STX8: variants seen among roughly 807,000 people sequenced by gnomAD.
STX8 encodes syntaxin-8.
A neutral mutation model predicts 37.5 loss-of-function variants in STX8; 23 were observed. That is an observed-to-expected ratio of 0.61 (90% confidence interval 0.44 to 0.87). The LOEUF is 0.87. Among genes scored for constraint, STX8 ranks in the 40% least tolerant of loss-of-function variants. The pLI is 0.00. For synonymous variants in STX8, 115 were observed against 99.1 expected (o/e 1.16, Z -0.95); for missense variants, 313 against 284.7 (o/e 1.10, Z -0.71).
intron 6 of STX8, among the ~76,000 whole-genome samples, chr17:9,379,301 G>A (rs1403214457): frequency 6.6e-6 from 1 of 150,738 alleles, no homozygotes; most frequent in African/African-American, 2.4e-5. Context: ...GACTACCTGG[G>A]CCCTTCTTGA....
chr17:9,273,563 T>A (rs1283561611), intron 7 of STX8: 1 of 152,294 alleles, frequency 6.6e-6, no homozygotes, highest in Non-Finnish European at 1.5e-5. Flanking sequence ...GCAGAATGAT[T>A]CAGCTCCTGC....
intron 7 of STX8, among the ~76,000 whole-genome samples, chr17:9,301,830 A>C (rs555996651): frequency 1.3e-5 from 2 of 151,982 alleles, no homozygotes; most frequent in African/African-American, 4.8e-5. Context: ...TTATTTTGCT[A>C]TTGTTTTAGG....
intron 7 of STX8, among the ~76,000 whole-genome samples, chr17:9,340,564 C>G (rs1445701284): frequency 1.3e-5 from 2 of 149,566 alleles, no homozygotes; most frequent in East Asian, 2.0e-4. Context: ...AAAATCTACT[C>G]TTATGAATCC....
At chr17:9,429,761 T>A in intron 6 of STX8, among the ~76,000 whole-genome samples, 1 of 50,990 alleles carries the variant, frequency 2.0e-5, no homozygotes, top group Non-Finnish European at 3.2e-5. Context: ...TTATATTTTA[T>A]ATATTATATA....
chr17:9,292,936 T>C (rs1385827856), intron 7 of STX8, among the ~76,000 whole-genome samples: 1 of 152,134 alleles, frequency 6.6e-6, no homozygotes, highest in African/African-American at 2.4e-5. Flanking sequence ...CAAGCAACTC[T>C]AGGAAGATTA....
intron 7 of STX8, among the ~76,000 whole-genome samples, chr17:9,274,895 C>T (rs1301760335): frequency 2.7e-5 from 4 of 150,892 alleles, no homozygotes; most frequent in Non-Finnish European, 5.9e-5. Flanking sequence ...GGACTACAGG[C>T]ATGCACCACC....
chr17:9,518,189 C>T lies in STX8; in HGVS notation c.324-13027G>A, dbSNP rs576885975. Reference sequence around the variant, plus strand: ...AACCTATGCTCACCAACTCCACTTCCTGACCCCCGTTCACTCCTCAACCCA... The same window carrying T: ...AACCTATGCTCACCAACTCCACTTCTTGACCCCCGTTCACTCCTCAACCCA... On this transcript the variant is annotated intron_variant, in intron 4 of 7. Coordinates refer to ENST00000306357, the MANE Select transcript of STX8 (RefSeq NM_004853.3). 2.6e-5 allele frequency among the ~76,000 whole-genome samples: 4 copies of T among 152,250 alleles called. No homozygotes were observed. In the East Asian group the frequency reaches 7.7e-4, roughly 29 times the overall value.
At chr17:9,379,701 GCTCACACCTATAATCCCA>G in intron 6 of STX8, among the ~76,000 whole-genome samples, 1 of 152,106 alleles carries the variant, frequency 6.6e-6, no homozygotes, top group African/African-American at 2.4e-5. Flanking sequence ...GGGCACGGTG[GCTCACACCTATAATCCCA>G]GCACTTTGGG....
intron 7 of STX8, among the ~76,000 whole-genome samples, chr17:9,351,176 C>CTTTTTT (rs71135970): frequency 7.3e-3 from 729 of 99,732 alleles, no homozygotes; most frequent in Non-Finnish European, 8.9e-3. Context: ...ATTTCCTTGT[C>CTTTTTT]TTTTTTTTTT....
At chr17:9,308,287 A>G (rs1909071354) in intron 7 of STX8, among the ~76,000 whole-genome samples, 1 of 152,174 alleles carries the variant, frequency 6.6e-6, no homozygotes, top group Non-Finnish European at 1.5e-5. Context: ...CTTTGGAATG[A>G]AGGTCTTATG....
chr17:9,397,475 A>G (rs2142313062), intron 6 of STX8, among the ~76,000 whole-genome samples: 1 of 152,336 alleles, frequency 6.6e-6, no homozygotes. Context: ...TGTTGGAATG[A>G]TAGTCTACAG....
At chr17:9,496,426 AT>A (rs1459721237) in intron 5 of STX8, among the ~76,000 whole-genome samples, 15 of 152,172 alleles carry the variant, frequency 9.9e-5, no homozygotes, top group Admixed American at 9.8e-4. Flanking sequence ...AACTGCCAAA[AT>A]CTGCCCTACT....
intron 6 of STX8, among the ~76,000 whole-genome samples, chr17:9,490,975 G>C (rs1455011673): frequency 6.6e-6 from 1 of 152,132 alleles, no homozygotes; most frequent in Non-Finnish European, 1.5e-5. Flanking sequence ...TTAGCACATA[G>C]TGGGGGCTTT....
chr17:9,491,581 T>G (rs1244590644), intron 6 of STX8, among the ~76,000 whole-genome samples: 1 of 152,098 alleles, frequency 6.6e-6, no homozygotes, highest in Admixed American at 6.6e-5. Flanking sequence ...GATGAATGGA[T>G]CATAAAACAC....
At chr17:9,518,915 C>A (rs546183342) in intron 4 of STX8, among the ~76,000 whole-genome samples, 1 of 151,758 alleles carries the variant, frequency 6.6e-6, no homozygotes, top group South Asian at 2.1e-4. Flanking sequence ...TAAAGACATT[C>A]ATTCTATGCC....
At chr17:9,265,844 C>G (rs1473053003) in intron 7 of STX8, among the ~76,000 whole-genome samples, 2 of 152,120 alleles carry the variant, frequency 1.3e-5, no homozygotes, top group East Asian at 3.9e-4. Context: ...TGTGTGAAGA[C>G]AGACAAAAAC....
rs78278064 is a variant in STX8 at position 9,428,046 on chromosome 17, C to T, written c.542-49393G>A. On this transcript the variant is annotated intron_variant, in intron 6 of 7. Transcript: ENST00000306357. ...AAGGGCTGTAGCACACAGAACTGCA[C>T]TCCTAGGACCAGTGGCTGCTGACTC... Among the ~76,000 whole-genome samples, 732 of 152,298 alleles carry T rather than the reference C, an allele frequency of 4.8e-3. 4 individuals carry two copies. Among genetic ancestry groups the T allele is most frequent in the African/African-American group, 0.017 (692 of 41,568 alleles).
intron 3 of STX8, among the ~76,000 whole-genome samples, chr17:9,551,895 G>GC (rs1043017887): frequency 3.3e-5 from 5 of 151,926 alleles, no homozygotes; most frequent in African/African-American, 1.2e-4. Context: ...AAAAACTAGG[G>GC]GGGGGTGTAA....
chr17:9,345,109 C>T (rs1341185187), intron 7 of STX8, among the ~76,000 whole-genome samples: 1 of 151,940 alleles, frequency 6.6e-6, no homozygotes, highest in Non-Finnish European at 1.5e-5. Flanking sequence ...TTCACAGGGA[C>T]ACCTGCCACT....
Sources: gnomAD v4.1 joint callset for allele counts (sites outside exome capture counted in the v4.1 genomes callset) on GRCh38, gnomAD v4.1.1 for gene constraint, MANE v1.5 for transcripts, NCBI Gene and HGNC (gene_info 2026-07-23, HGNC 2026-07-21) for gene names.